EYS: variants seen among roughly 807,000 people sequenced by gnomAD.
The protein encoded by EYS is protein eyes shut homolog.
Under a neutral mutation model 282.1 loss-of-function variants are expected in EYS, and 250 were observed. The observed-to-expected ratio is 0.89, with a 90% confidence interval of 0.80 to 0.98. The LOEUF (loss-of-function observed/expected upper bound fraction) is 0.98, where lower values mean the gene tolerates loss of function less well. Ranked by LOEUF, EYS falls within the 50% of genes least tolerant of loss-of-function variation. The pLI is 0.00. For missense variants in EYS, 4,016 were observed against 3,709.0 expected (o/e 1.08, Z -2.15); for synonymous variants, 1,355 against 1,282.9 (o/e 1.06, Z -1.20).
At chr6:64,204,324 T>TA (rs1209031648) in intron 31 of EYS, among the ~76,000 whole-genome samples, 1 of 152,138 alleles carries the variant, frequency 6.6e-6, no homozygotes, top group Non-Finnish European at 1.5e-5. Context: ...CTCATAAAGT[T>TA]AAACGTAAAC....
In EYS at chr6:65,137,712, T is replaced by C. The variant is rs182950353; in HGVS notation, c.2024-79985A>G. ...TAAATATTTAAGAGGTTAAAATATA[T>C]AGGATTAGTACTGGAATGGGTGGCA... On this transcript the variant is annotated intron_variant, in intron 12 of 42. Transcript: ENST00000503581. Among the ~76,000 whole-genome samples the C allele has an allele frequency of 8.5e-3, 1,297 of 152,062 alleles. 7 individuals carry two copies. The highest frequency in any genetic ancestry group is 0.012 in the Non-Finnish European group (831 of 68,010).
chr6:65,428,150 G>A (rs577374412), intron 5 of EYS, among the ~76,000 whole-genome samples: 4 of 152,022 alleles, frequency 2.6e-5, no homozygotes, highest in African/African-American at 7.2e-5. Flanking sequence ...TTACAAACTT[G>A]CTCATCAATT....
chr6:65,328,487 T>C (rs1205681902), intron 11 of EYS, among the ~76,000 whole-genome samples: 1 of 151,370 alleles, frequency 6.6e-6, no homozygotes, highest in Non-Finnish European at 1.5e-5. Context: ...TTTGCTAAAA[T>C]ATCAATTTTG....
chr6:63,902,258 A>C (rs1242884441), intron 35 of EYS, among the ~76,000 whole-genome samples: 4 of 152,088 alleles, frequency 2.6e-5, no homozygotes, highest in Admixed American at 6.5e-5. Context: ...AAACCAAAAA[A>C]AATTCTGATT....
intron 12 of EYS, among the ~76,000 whole-genome samples, chr6:65,128,642 A>G (rs1581935369): frequency 6.6e-6 from 1 of 151,984 alleles, no homozygotes; most frequent in East Asian, 1.9e-4. Context: ...CTTCAAGGAG[A>G]ACTACAAAAT....
chr6:63,945,837 T>C (rs1765379312), intron 35 of EYS, among the ~76,000 whole-genome samples: 1 of 152,194 alleles, frequency 6.6e-6, no homozygotes, highest in Non-Finnish European at 1.5e-5. Context: ...GGTGAACTGG[T>C]TTATGAGTAA....
chr6:65,119,762 G>T (rs945435291), intron 12 of EYS, among the ~76,000 whole-genome samples: 2 of 151,748 alleles, frequency 1.3e-5, no homozygotes, highest in African/African-American at 4.8e-5. Flanking sequence ...AGCTACTTGG[G>T]AGGCTGAGGT....
intron 41 of EYS, among the ~76,000 whole-genome samples, chr6:63,735,517 C>A (rs991892944): frequency 6.8e-6 from 1 of 147,372 alleles, no homozygotes; most frequent in Non-Finnish European, 1.5e-5. Context: ...ACACACACAC[C>A]CTACTTATTA....
intron 2 of EYS, among the ~76,000 whole-genome samples, chr6:65,586,439 T>A (rs941614371): frequency 1.3e-5 from 2 of 152,062 alleles, no homozygotes; most frequent in Non-Finnish European, 2.9e-5. Flanking sequence ...GGGTATCCTA[T>A]CTTAAGGAAT....
At chr6:64,999,529 T>G (rs1771390652) in intron 13 of EYS, among the ~76,000 whole-genome samples, 1 of 152,138 alleles carries the variant, frequency 6.6e-6, no homozygotes. Context: ...TGGATCTACG[T>G]GAGGACGGCA....
At chr6:64,500,695 T>C (rs1777010255) in intron 26 of EYS, among the ~76,000 whole-genome samples, 1 of 152,096 alleles carries the variant, frequency 6.6e-6, no homozygotes, top group Non-Finnish European at 1.5e-5. Context: ...TAGTGGAAGA[T>C]GCATAAACAT....
chr6:64,563,309 A>G (rs766616953), intron 26 of EYS, among the ~76,000 whole-genome samples: 1 of 152,006 alleles, frequency 6.6e-6, no homozygotes, highest in Admixed American at 6.6e-5. Context: ...ACTAGTTTAC[A>G]GCGTTCTTTT....
At chr6:65,444,279 T>G (rs1056524515) in intron 5 of EYS, among the ~76,000 whole-genome samples, 5 of 152,076 alleles carry the variant, frequency 3.3e-5, no homozygotes, top group African/African-American at 1.2e-4. Context: ...TACTAAATTT[T>G]GGCTTTGTGG....
intron 26 of EYS, among the ~76,000 whole-genome samples, chr6:64,512,365 T>A (rs1394841175): frequency 1.3e-5 from 2 of 151,940 alleles, no homozygotes; most frequent in African/African-American, 4.8e-5. Context: ...ACGCAATCTA[T>A]TTCATAGGTA....
At chr6:64,442,919 C>T (rs1774998732) in intron 26 of EYS, among the ~76,000 whole-genome samples, 1 of 138,266 alleles carries the variant, frequency 7.2e-6, no homozygotes, top group Non-Finnish European at 1.6e-5. Context: ...TGGGTGGGAG[C>T]CCTGACACAG....
At chr6:64,692,630 T>C (rs941517930) in intron 22 of EYS, among the ~76,000 whole-genome samples, 4 of 152,134 alleles carry the variant, frequency 2.6e-5, no homozygotes, top group South Asian at 2.1e-4. Context: ...TTTTGACTCA[T>C]GATTTAAAAG....
chr6:64,399,753 T>A (rs1235388983), intron 28 of EYS, among the ~76,000 whole-genome samples: 3 of 151,894 alleles, frequency 2.0e-5, no homozygotes, highest in Non-Finnish European at 4.4e-5. Context: ...TTTTGGTACC[T>A]GATGTATGGA....
intron 14 of EYS, among the ~76,000 whole-genome samples, chr6:64,975,360 T>G (rs908705382): frequency 6.6e-6 from 1 of 151,860 alleles, no homozygotes; most frequent in Non-Finnish European, 1.5e-5. Flanking sequence ...CAAAAACTCC[T>G]TCTCTCTGTG....
intron 30 of EYS, among the ~76,000 whole-genome samples, chr6:64,270,773 G>T (rs765313923): frequency 2.6e-4 from 40 of 152,130 alleles, no homozygotes; most frequent in Non-Finnish European, 4.1e-4. Flanking sequence ...TTCAGCCCCA[G>T]TCCTCTGCCT....
Sources: gnomAD v4.1 joint callset for allele counts (sites outside exome capture counted in the v4.1 genomes callset) on GRCh38, gnomAD v4.1.1 for gene constraint, MANE v1.5 for transcripts, NCBI Gene and HGNC (gene_info 2026-07-23, HGNC 2026-07-21) for gene names.